Variants in B4GALT2 observed in about 807,000 individuals in gnomAD.
B4GALT2 encodes the protein N-acetyllactosamine synthase.
In B4GALT2, 18 loss-of-function variants were observed where a neutral mutation model predicts 33.2. That is an observed-to-expected ratio of 0.54 (90% CI 0.38 to 0.80). B4GALT2 has a LOEUF of 0.80. Ranked by LOEUF, B4GALT2 falls within the 30% of genes least tolerant of loss-of-function variation. The pLI, the probability that B4GALT2 is intolerant of heterozygous loss-of-function variation, is 0.00. For synonymous variants in B4GALT2, 214 were observed against 217.6 expected, an observed-to-expected ratio of 0.98 and a Z score of 0.15; for missense variants, 404 against 526.2, an observed-to-expected ratio of 0.77 and a Z score of 2.27.
intron 3 of B4GALT2, among the ~76,000 whole-genome samples, chr1:43,983,953 C>T (rs2085628651): frequency 6.6e-6 from 1 of 152,154 alleles, no homozygotes; most frequent in Admixed American, 6.5e-5. Context: ...TCCGCTCATT[C>T]CAGAAAGGCC....
intron 6 of B4GALT2, among the ~76,000 whole-genome samples, chr1:43,988,356 CAAAAAA>C (rs59935883): frequency 9.5e-5 from 7 of 73,726 alleles, no homozygotes; most frequent in Non-Finnish European, 1.6e-4. Flanking sequence ...ACCAAAAATA[CAAAAAA>C]AAAAAAAAAA....
At chr1:43,988,091 A>G (rs796514238) in intron 6 of B4GALT2, among the ~76,000 whole-genome samples, 5 of 152,336 alleles carry the variant, frequency 3.3e-5, no homozygotes, top group African/African-American at 1.2e-4. Flanking sequence ...GTGGTGCTCA[A>G]TAAATAGCTG....
intron 6 of B4GALT2, 68 bp downstream of exon 6, chr1:43,985,689 A>C: frequency 6.7e-7 from 1 of 1,485,726 alleles, no homozygotes; most frequent in Non-Finnish European, 9.4e-7. Flanking sequence ...TCTTGACCCC[A>C]AGTGGCCCAA....
intron 5 of B4GALT2, 29 bp from the exon 6 acceptor site, chr1:43,985,488 T>G: frequency 6.2e-7 from 1 of 1,600,288 alleles, no homozygotes; most frequent in South Asian, 1.1e-5. Context: ...TCCTGGAGCC[T>G]GTTCCAGTCT....
At chr1:43,988,901 G>A (rs560726221) in intron 6 of B4GALT2, among the ~76,000 whole-genome samples, 82 of 149,790 alleles carry the variant, frequency 5.5e-4, no homozygotes, top group African/African-American at 1.9e-3. Context: ...GGTGTCAGAC[G>A]TCTGTTTTCT....
At chr1:43,987,452 G>C (rs754546988) in intron 6 of B4GALT2, among the ~76,000 whole-genome samples, 84 of 152,242 alleles carry the variant, frequency 5.5e-4, no homozygotes, top group Non-Finnish European at 2.9e-4. Flanking sequence ...CACAAACTGT[G>C]AACTCTCTCT....
intron 5 of B4GALT2, 33 bp downstream of exon 5, chr1:43,985,433 TGGGGGGGGGA>T: frequency 6.3e-5 from 9 of 143,526 alleles, no homozygotes; most frequent in Middle Eastern, 1.9e-3. Flanking sequence ...ATAGGCTGGG[TGGGGGGGGGA>T]GGGGGGGTGC....
chr1:43,982,802 G>A lies in B4GALT2; in HGVS notation c.549+878G>A, dbSNP rs143525982. Reference sequence around the variant, plus strand: ...AGGTTGTAAGGAGAGAGTGACTTGCGTGTTTGCTTTGTAGAAAGGTCACTC... The same window carrying A: ...AGGTTGTAAGGAGAGAGTGACTTGCATGTTTGCTTTGTAGAAAGGTCACTC... On this transcript the variant is annotated intron_variant, in intron 3 of 6. Transcript: ENST00000372324. This position sits in a 1 kb window ranked among gnomAD's most constrained non-coding sequence, Gnocchi z 4.3. Among the ~76,000 whole-genome samples the A allele has an allele frequency of 3.3e-5, 5 of 152,290 alleles. No individual in the cohort carries two copies. In the East Asian group the frequency reaches 7.7e-4, roughly 24 times the overall value.
chr1:43,990,566 G>C lies in B4GALT2; in HGVS notation c.*118G>C, dbSNP rs945327863. 7.0e-7 allele frequency: 1 copy of C among 1,419,650 alleles called. No individual in the cohort carries two copies. The highest frequency in any genetic ancestry group is 1.9e-5 in the Admixed American group (1 of 52,046). The allele number at this position is 1,419,650 out of a possible 1,614,324, so 87.9% of individuals were successfully genotyped here. A position where few individuals can be genotyped will look rare whatever the true frequency, so the allele number is the denominator to read the frequency against. On this transcript the variant is annotated 3_prime_UTR_variant, in exon 7 of 7. Coordinates refer to ENST00000372324, the MANE Select transcript of B4GALT2 (RefSeq NM_003780.5). ...ACTGAGACTGGGCTCTGTTTTCCAA[G>C]GGTCTTCACTAGGCCCCCTAGCTAC...
chr1:43,985,103 A>G, intron 4 of B4GALT2, 48 bp downstream of exon 4: 1 of 1,598,828 alleles, frequency 6.3e-7, no homozygotes, highest in Non-Finnish European at 8.5e-7. Flanking sequence ...CCCCCACCAG[A>G]CGCAGGCCCA....
In B4GALT2 at chr1:43,985,587, G is replaced by C; in HGVS notation, c.934G>C (p.Asp312His). Reference protein sequence around the residue: ...RIGRYRMIKHDRDKHNEPNPQ... With the variant: ...RIGRYRMIKHHRDKHNEPNPQ... ...CGGCCGCTACCGCATGATCAAGCAC[G>C]ACCGCGACAAGCATAACGAACCTAA... Residue 312 changes from aspartate (D) to histidine (H), a missense_variant, in exon 6 of 7, where the codon GAC becomes CAC. Asp to His is a moderately conservative substitution (Grantham distance 81). Coordinates refer to ENST00000372324, the MANE Select transcript of B4GALT2 (RefSeq NM_003780.5). 1 of 1,613,874 alleles carries C rather than the reference G, an allele frequency of 6.2e-7. No homozygotes were observed.
chr1:43,981,066 C>T lies in B4GALT2; in HGVS notation c.-52-43C>T, dbSNP rs994484819. On this transcript the variant is annotated intron_variant, in intron 1 of 6. Transcript: ENST00000372324. The surrounding 1 kb of genome is among the most constrained non-coding windows in gnomAD (Gnocchi z 8.1). ...AGGTAGGTGGGCAGCCTTGCCTGTC[C>T]TGCCCTGACCTGCTGGATCTGTTTC... 4 of 1,500,166 alleles carry T rather than the reference C, an allele frequency of 2.7e-6. No individual in the cohort carries two copies. In the African/African-American group the frequency reaches 5.5e-5, roughly 21 times the overall value. 92.9% of individuals were successfully genotyped at this position (1,500,166 alleles called of 1,614,324 possible).
chr1:43,983,881 G>A (rs1206128526), intron 3 of B4GALT2, among the ~76,000 whole-genome samples: 1 of 152,290 alleles, frequency 6.6e-6, no homozygotes, highest in Admixed American at 6.5e-5. Flanking sequence ...CAGGGTTCCC[G>A]AGGGGAGCAG....
At chr1:43,985,116 T>C in intron 4 of B4GALT2, 61 bp downstream of exon 4, 2 of 1,593,558 alleles carry the variant, frequency 1.3e-6, no homozygotes, top group Non-Finnish European at 8.6e-7. Context: ...CAGGCCCACT[T>C]CCAGCCCCCG....
chr1:43,980,805 A>T (rs1311101446), intron 1 of B4GALT2, among the ~76,000 whole-genome samples: 1 of 151,828 alleles, frequency 6.6e-6, no homozygotes, highest in Non-Finnish European at 1.5e-5. Context: ...GGAATGCGTG[A>T]GTGTGTGTGT....
In B4GALT2 at chr1:43,984,067, A is replaced by C. The variant is rs929742266; in HGVS notation, c.550-798A>C. 6.6e-5 allele frequency among the ~76,000 whole-genome samples: 10 copies of C among 152,244 alleles called. No individual in the cohort carries two copies. Among genetic ancestry groups the C allele is most frequent in the African/African-American group, 2.4e-4 (10 of 41,456 alleles). On this transcript the variant is annotated intron_variant, in intron 3 of 6. Transcript: ENST00000372324. This position sits in a 1 kb window ranked among gnomAD's most constrained non-coding sequence, Gnocchi z 5.6. ...CGCCTCCCACTGAATGCTCCCTGCT[A>C]GTCCTAGTCCAGAGTCTGGTGCTTA... is the stretch of plus-strand genomic sequence containing the variant.
At position 43,981,798 on chromosome 1, in the gene B4GALT2, A is replaced by G. The variant is rs2085600599; in HGVS notation, c.423A>G (p.Pro141=). 1.9e-6 allele frequency: 3 copies of G among 1,613,798 alleles called. No individual in the cohort carries two copies. The highest frequency in any genetic ancestry group is 2.7e-5 in the African/African-American group (2 of 75,048). ...GATACACACCGCCCGACTGCACCCCAGCCCAGACGGTGGCGGTCATCATCC... is the reference window on the plus strand; with the variant it reads ...GATACACACCGCCCGACTGCACCCCGGCCCAGACGGTGGCGGTCATCATCC... ...GGRYTPPDCT[P]AQTVAVIIPF... The change falls in exon 3 of 7, where the codon CCA becomes CCG. Residue 141 remains proline (P), a synonymous_variant. Coordinates refer to ENST00000372324, the MANE Select transcript of B4GALT2 (RefSeq NM_003780.5). The surrounding 1 kb of genome is among the most constrained non-coding windows in gnomAD (Gnocchi z 8.1).
intron 5 of B4GALT2, 28 bp downstream of exon 5, chr1:43,985,428 C>G (rs1361492188): frequency 6.0e-6 from 2 of 332,270 alleles, no homozygotes; most frequent in Non-Finnish European, 8.5e-6. Context: ...GGGGAATAGG[C>G]TGGGTGGGGG....
At position 43,981,911 on chromosome 1, in the gene B4GALT2, A is replaced by T. The variant is rs974419741; in HGVS notation, c.536A>T (p.Tyr179Phe). ...CGGCAGCGGCTGCGCTACGGCGTCT[A>T]TGTCATCAACCAGGTGCCCATGCGG... ...LRRQRLRYGV[Y>F]VINQHGEDTF... is the part of the protein sequence containing the mutation. The change falls in exon 3 of 7, where the codon TAT becomes TTT. Residue 179 changes from tyrosine to phenylalanine, a missense_variant. Transcript: ENST00000372324. This position sits in a 1 kb window ranked among gnomAD's most constrained non-coding sequence, Gnocchi z 8.1. 1 of 1,613,692 alleles carries T rather than the reference A, an allele frequency of 6.2e-7. No homozygotes were observed. The highest frequency in any genetic ancestry group is 8.5e-7 in the Non-Finnish European group (1 of 1,179,972).
Sources: gnomAD v4.1 joint callset for allele counts (sites outside exome capture counted in the v4.1 genomes callset) on GRCh38, gnomAD v4.1.1 for gene constraint, Gnocchi (gnomAD v3.1) non-coding constraint, MANE v1.5 for transcripts, NCBI Gene and HGNC (gene_info 2026-07-23, HGNC 2026-07-21) for gene names.